PACS1: variants seen among roughly 807,000 people sequenced by gnomAD.
PACS1 encodes PACS-1.
A neutral mutation model predicts 115.0 loss-of-function variants in PACS1; 24 were observed. The ratio of observed to expected loss-of-function variants is 0.21; its 90% CI spans 0.15 to 0.29. PACS1 has a LOEUF of 0.29. Among genes scored for constraint, PACS1 ranks in the 10% least tolerant of loss-of-function variants. PACS1 has a pLI of 1.00. For missense variants in PACS1, 838 were observed against 1,251.2 expected (o/e 0.67, Z 4.98); for synonymous variants, 453 against 504.5 (o/e 0.90, Z 1.37).
chr11:66,128,032 A>G (rs1254291754), intron 1 of PACS1, among the ~76,000 whole-genome samples: 1 of 152,222 alleles, frequency 6.6e-6, no homozygotes, highest in Non-Finnish European at 1.5e-5. Context: ...AAACTGCATT[A>G]TAGGATAAAC....
rs1855571966 is a variant in PACS1 at position 66,230,658 on chromosome 11, C to G, written c.1485C>G (p.Ser495=). The change falls in exon 12 of 24, where the codon TCC becomes TCG. Residue 495 remains serine, a synonymous_variant. Transcript: ENST00000320580. The part of the protein sequence containing the change: ...SSKTDLQGSA[S]PSKVEGVHTP... ...AAACGGATCTCCAGGGCTCTGCCTC[C>G]CCCAGGTACTGCAGATGGAAAGGAA... 1 of 1,612,602 alleles carries G rather than the reference C, an allele frequency of 6.2e-7. No homozygotes were observed. Among genetic ancestry groups the G allele is most frequent in the Admixed American group, 1.7e-5 (1 of 60,008 alleles).
At chr11:66,079,892 A>C (rs1857454423) in intron 1 of PACS1, among the ~76,000 whole-genome samples, 1 of 152,104 alleles carries the variant, frequency 6.6e-6, no homozygotes, top group Admixed American at 6.5e-5. Flanking sequence ...CCCTCGCCTT[A>C]GGGCTTTTGC....
At chr11:66,222,129 C>T (rs1855364268) in intron 10 of PACS1, among the ~76,000 whole-genome samples, 1 of 152,086 alleles carries the variant, frequency 6.6e-6, no homozygotes, top group Admixed American at 6.5e-5. Context: ...AAACAAAAAC[C>T]TCTCCCTTCG....
At chr11:66,218,292 G>C (rs1044426446) in intron 7 of PACS1, 1 of 152,176 alleles carries the variant, frequency 6.6e-6, no homozygotes, top group East Asian at 1.9e-4. Context: ...TACAACCACA[G>C]GCTAAGCATC....
At chr11:66,086,997 A>C (rs963548549) in intron 1 of PACS1, among the ~76,000 whole-genome samples, 1 of 152,162 alleles carries the variant, frequency 6.6e-6, no homozygotes, top group Non-Finnish European at 1.5e-5. Flanking sequence ...TGTCATGTAC[A>C]CTCAGAAAAG....
intron 10 of PACS1, among the ~76,000 whole-genome samples, chr11:66,223,728 A>G (rs1855409199): frequency 6.6e-6 from 1 of 152,178 alleles, no homozygotes; most frequent in Non-Finnish European, 1.5e-5. Context: ...ATGTAACTAA[A>G]TCACTAACTG....
At chr11:66,147,703 AG>A (rs1859157764) in intron 1 of PACS1, among the ~76,000 whole-genome samples, 1 of 152,158 alleles carries the variant, frequency 6.6e-6, no homozygotes, top group African/African-American at 2.4e-5. Context: ...TGATTCCTGG[AG>A]GCTGGGAAGG....
At chr11:66,228,755 G>C (rs934868489) in intron 11 of PACS1, among the ~76,000 whole-genome samples, 12 of 152,184 alleles carry the variant, frequency 7.9e-5, no homozygotes, top group Non-Finnish European at 1.2e-4. Context: ...AGAGGGAGGG[G>C]CATCGGGAGG....
chr11:66,230,082 G>A (rs1305533799), intron 11 of PACS1, among the ~76,000 whole-genome samples: 2 of 146,852 alleles, frequency 1.4e-5, no homozygotes, highest in Non-Finnish European at 3.0e-5. Context: ...GAGGAAGGAA[G>A]GGAGAATCTC....
intron 2 of PACS1, among the ~76,000 whole-genome samples, chr11:66,202,784 C>G: frequency 1.1e-5 from 1 of 92,208 alleles, no homozygotes; most frequent in African/African-American, 4.5e-5. Flanking sequence ...TATATATATT[C>G]TGAAAAAGCA....
At chr11:66,090,655 T>G (rs1857645393) in intron 1 of PACS1, among the ~76,000 whole-genome samples, 1 of 152,248 alleles carries the variant, frequency 6.6e-6, no homozygotes, top group Admixed American at 6.5e-5. Context: ...GTCTTAATTC[T>G]GATTTTCTAA....
Position 66,178,116 on chromosome 11 carries a change from A to T in PACS1, c.357-15370A>T, listed in dbSNP as rs979230661. On this transcript the variant is annotated intron_variant, in intron 1 of 23. Transcript: ENST00000320580. ...ATATATAGGAATATTTAGTATATAT[A>T]TCATGTAAAGAATCACATTACAACA... Among the ~76,000 whole-genome samples the T allele has an allele frequency of 3.3e-5, 5 of 152,320 alleles. No homozygotes were observed. In the East Asian group the frequency reaches 9.6e-4, roughly 29 times the overall value.
At chr11:66,174,007 G>A (rs956325630) in intron 1 of PACS1, among the ~76,000 whole-genome samples, 21 of 151,768 alleles carry the variant, frequency 1.4e-4, no homozygotes, top group African/African-American at 4.4e-4. Context: ...AGTCGAGATC[G>A]TGCCATTGCA....
intron 7 of PACS1, chr11:66,217,119 G>C: frequency 2.9e-6 from 1 of 347,546 alleles, no homozygotes; most frequent in Non-Finnish European, 5.4e-6. Flanking sequence ...GTCCTCTGCA[G>C]CGAGAAAGCC....
intron 2 of PACS1, among the ~76,000 whole-genome samples, chr11:66,194,086 C>T (rs1390761529): frequency 6.6e-6 from 1 of 152,174 alleles, no homozygotes; most frequent in Non-Finnish European, 1.5e-5. Context: ...GCCTCAGCCT[C>T]CCTTGTAGTT....
chr11:66,136,118 G>A (rs1355689085), intron 1 of PACS1, among the ~76,000 whole-genome samples: 1 of 152,110 alleles, frequency 6.6e-6, no homozygotes, highest in Non-Finnish European at 1.5e-5. Flanking sequence ...ACGTAAGTAC[G>A]TCCTACGGGT....
chr11:66,177,399 C>T (rs1347297142), intron 1 of PACS1, among the ~76,000 whole-genome samples: 1 of 152,126 alleles, frequency 6.6e-6, no homozygotes, highest in Non-Finnish European at 1.5e-5. Flanking sequence ...CCATGTCGGT[C>T]AAGCTGGTCT....
intron 1 of PACS1, among the ~76,000 whole-genome samples, chr11:66,137,021 T>G (rs1858859986): frequency 8.6e-6 from 1 of 115,932 alleles, no homozygotes. Flanking sequence ...AGTCACAAAT[T>G]GCCCCCCCCC....
intron 1 of PACS1, among the ~76,000 whole-genome samples, chr11:66,149,469 T>C (rs1226289121): frequency 6.6e-6 from 1 of 152,174 alleles, no homozygotes; most frequent in Non-Finnish European, 1.5e-5. Flanking sequence ...CTTTATTATA[T>C]ATTTCCAAAA....
Sources: gnomAD v4.1 joint callset for allele counts (sites outside exome capture counted in the v4.1 genomes callset) on GRCh38, gnomAD v4.1.1 for gene constraint, MANE v1.5 for transcripts, NCBI Gene and HGNC (gene_info 2026-07-23, HGNC 2026-07-21) for gene names.